Variants in ZNF16 observed in about 807,000 individuals in gnomAD.
ZNF16 encodes the protein zinc finger protein KOX9.
Under a neutral mutation model 9.0 loss-of-function variants are expected in ZNF16, and 7 were observed. The observed-to-expected ratio is 0.78, with a 90% CI of 0.44 to 1.47. ZNF16 has a LOEUF of 1.47. Ranked by LOEUF, ZNF16 falls within the 40% of genes most tolerant of loss-of-function variation. The pLI, the probability that ZNF16 is intolerant of heterozygous loss-of-function variation, is 0.01. For synonymous variants in ZNF16, 312 were observed against 301.5 expected, an observed-to-expected ratio of 1.03 and a Z score of -0.36; for missense variants, 830 against 854.2, an observed-to-expected ratio of 0.97 and a Z score of 0.35.
At chr8:144,943,271 C>T (rs1391493519) in intron 2 of ZNF16, among the ~76,000 whole-genome samples, 1 of 151,944 alleles carries the variant, frequency 6.6e-6, no homozygotes, top group Non-Finnish European at 1.5e-5. Flanking sequence ...TTGCTGCTTT[C>T]AAGATTCCTT....
intron 1 of ZNF16, chr8:144,950,255 G>C (rs546477134): frequency 6.6e-6 from 1 of 152,090 alleles, no homozygotes; most frequent in Non-Finnish European, 1.5e-5. Context: ...CTCTTGCTGA[G>C]ATAATGAAAA....
At chr8:144,937,765 C>T (rs1054455016) in intron 2 of ZNF16, among the ~76,000 whole-genome samples, 1 of 152,110 alleles carries the variant, frequency 6.6e-6, no homozygotes, top group Non-Finnish European at 1.5e-5. Context: ...TAGCCTTGAG[C>T]TGTTGGGCTC....
At chr8:144,950,349 A>G (rs1480396439) in intron 1 of ZNF16, 1 of 152,060 alleles carries the variant, frequency 6.6e-6, no homozygotes, top group African/African-American at 2.4e-5. Flanking sequence ...TCCTGGGCCC[A>G]CTGTTGTTTC....
intron 1 of ZNF16, chr8:144,948,048 G>C (rs1488235325): frequency 6.5e-6 from 1 of 152,718 alleles, no homozygotes; most frequent in African/African-American, 2.4e-5. Flanking sequence ...TGTGAAGAAA[G>C]GTGGCAGAAG....
intron 2 of ZNF16, among the ~76,000 whole-genome samples, chr8:144,937,798 C>T (rs1047818205): frequency 6.6e-5 from 10 of 151,980 alleles, no homozygotes; most frequent in African/African-American, 2.2e-4. Context: ...TGCCTCAGCA[C>T]CCCTGGAGTA....
At chr8:144,942,404 C>T (rs1799008464) in intron 2 of ZNF16, among the ~76,000 whole-genome samples, 1 of 152,084 alleles carries the variant, frequency 6.6e-6, no homozygotes, top group Non-Finnish European at 1.5e-5. Flanking sequence ...TCTCCTGCTT[C>T]AGCCTCCTGA....
At chr8:144,936,234 G>A (rs72699337) in intron 2 of ZNF16, among the ~76,000 whole-genome samples, 8,806 of 152,262 alleles carry the variant, frequency 0.058, 315 homozygotes, top group Non-Finnish European at 0.093. Flanking sequence ...GTTTATCCGC[G>A]TGTAGCAGGT....
Position 144,931,515 on chromosome 8 carries a change from G to T in ZNF16, c.1272C>A (p.His424Gln), listed in dbSNP as rs764797509. The T allele has an allele frequency of 3.7e-6, 6 of 1,613,712 alleles. No individual in the cohort carries two copies. The highest frequency in any genetic ancestry group is 5.1e-6 in the Non-Finnish European group (6 of 1,179,892). Residue 424 changes from histidine to glutamine, a missense_variant, in exon 3 of 3, where the codon CAC becomes CAA. His to Gln is a conservative substitution (Grantham distance 24, BLOSUM62 0). Coordinates refer to ENST00000394909, the MANE Select transcript of ZNF16 (RefSeq NM_006958.3). ...FSRVSNLIKH[H>Q]RVHTGEKPYK... ...AGGGCTTCTCTCCAGTGTGAACCCT[G>T]TGGTGCTTAATGAGGTTGGAGACCC...
intron 1 of ZNF16, among the ~76,000 whole-genome samples, chr8:144,946,616 GTCCTGCTGTTGGGC>G (rs1563925741): frequency 3.6e-5 from 4 of 110,254 alleles, no homozygotes; most frequent in African/African-American, 1.5e-4. Context: ...TTGGGCTTGT[GTCCTGCTGTTGGGC>G]CTGTGTCCTG....
intron 2 of ZNF16, among the ~76,000 whole-genome samples, chr8:144,941,885 C>A (rs1833805486): frequency 6.6e-6 from 1 of 151,486 alleles, no homozygotes. Context: ...GTCTCAATCT[C>A]CTGACCTCAT....
rs964601563 is a variant in ZNF16 at position 144,930,583 on chromosome 8, G to A, written c.*155C>T. 1 of 767,054 alleles carries A rather than the reference G, an allele frequency of 1.3e-6. No individual in the cohort carries two copies. Among genetic ancestry groups the A allele is most frequent in the Non-Finnish European group, 2.0e-6 (1 of 497,342 alleles). 47.5% of individuals were successfully genotyped at this position (767,054 alleles called of 1,614,324 possible). ...AGTGAGAAGGGAGCCTGTAAAGGAT[G>A]TTTCAAAGGAGGGTCCCAGGCTATG... On this transcript the variant is annotated 3_prime_UTR_variant, in exon 3 of 3. Transcript: ENST00000394909.
intron 1 of ZNF16, 58 bp downstream of exon 1, chr8:144,950,739 G>A (rs974550324): frequency 6.6e-5 from 10 of 151,228 alleles, no homozygotes; most frequent in African/African-American, 2.2e-4. Context: ...CCCCAACCAC[G>A]GGGGCATCAG....
At chr8:144,936,502 C>T (rs1833685092) in intron 2 of ZNF16, among the ~76,000 whole-genome samples, 2 of 152,150 alleles carry the variant, frequency 1.3e-5, no homozygotes, top group South Asian at 4.1e-4. Context: ...ATTTTACATT[C>T]CAGCCAGCGA....
Position 144,945,998 on chromosome 8 carries a change from G to A in ZNF16, c.196+13C>T, listed in dbSNP as rs1833916498. 6.2e-7 allele frequency: 1 copy of A among 1,613,220 alleles called. No individual in the cohort carries two copies. The highest frequency in any genetic ancestry group is 1.3e-5 in the African/African-American group (1 of 74,888). ...AGAATAAGGGCACCAGCGGAGAACTGTTCTTAAAGTACCTGGCTGCTGATA... is the reference window on the plus strand; with the variant it reads ...AGAATAAGGGCACCAGCGGAGAACTATTCTTAAAGTACCTGGCTGCTGATA... On this transcript the variant is annotated intron_variant, in intron 2 of 2. Transcript: ENST00000394909.
chr8:144,947,023 TG>T, intron 1 of ZNF16, among the ~76,000 whole-genome samples: 1 of 124,890 alleles, frequency 8.0e-6, no homozygotes, highest in African/African-American at 3.4e-5. Context: ...TGTATCCTGC[TG>T]TTGGGCCTGT....
Position 144,932,349 on chromosome 8 carries a change from G to T in ZNF16, c.438C>A (p.Gly146=). ...FTPAAMGLLR[G]PLGEKDLDCN... is the part of the protein sequence containing the mutation. ...AGTCCAGATCTTTCTCCCCTAAGGG[G>T]CCCCTAAGGAGCCCCATGGCAGCTG... is the stretch of plus-strand genomic sequence containing the variant. The change falls in exon 3 of 3, where the codon GGC becomes GGA. Residue 146 remains glycine, a synonymous_variant. Transcript: ENST00000394909. The surrounding 1 kb of genome is among the most constrained non-coding windows in gnomAD (Gnocchi z 5.0). 1.9e-6 allele frequency: 3 copies of T among 1,614,096 alleles called. No individual in the cohort carries two copies. The highest frequency in any genetic ancestry group is 1.7e-6 in the Non-Finnish European group (2 of 1,179,992).
chr8:144,931,222 C>T lies in ZNF16; in HGVS notation c.1565G>A (p.Cys522Tyr). Residue 522 changes from cysteine (C) to tyrosine (Y), a missense_variant, in exon 3 of 3, where the codon TGT (cysteine) becomes TAT (tyrosine). Cys to Tyr is a radical substitution (Grantham distance 194, BLOSUM62 -2). Transcript: ENST00000394909. The part of the protein sequence containing the change: ...TGDKPYACHE[C>Y]GKTFGRSSNL... The stretch of plus-strand genomic sequence containing the variant: ...GGAGCTGCGACCAAAGGTCTTCCCA[C>T]ACTCGTGGCAGGCGTAGGGCTTGTC... 6.2e-7 allele frequency: 1 copy of T among 1,613,958 alleles called. No individual in the cohort carries two copies. Among genetic ancestry groups the T allele is most frequent in the Non-Finnish European group, 8.5e-7 (1 of 1,179,990 alleles).
intron 2 of ZNF16, among the ~76,000 whole-genome samples, chr8:144,940,880 G>A (rs1480715500): frequency 2.0e-5 from 3 of 152,152 alleles, no homozygotes; most frequent in Non-Finnish European, 4.4e-5. Flanking sequence ...ATGGTAGAAG[G>A]GCAAGAAAAG....
At chr8:144,950,183 T>G (rs1352407304) in intron 1 of ZNF16, among the ~76,000 whole-genome samples, 8 of 152,174 alleles carry the variant, frequency 5.3e-5, no homozygotes, top group African/African-American at 1.7e-4. Flanking sequence ...CAGATTCTTT[T>G]GCTCACATGC....
Sources: allele counts gnomAD v4.1 joint callset (sites outside exome capture counted in the v4.1 genomes callset), GRCh38; gene constraint gnomAD v4.1.1; non-coding constraint Gnocchi (gnomAD v3.1); transcripts MANE v1.5; gene names NCBI Gene and HGNC (gene_info 2026-07-23, HGNC 2026-07-21).